IMPG1: variants seen among roughly 807,000 people sequenced by gnomAD.
The protein encoded by IMPG1 is interphotoreceptor matrix proteoglycan 1.
Under a neutral mutation model 92.0 loss-of-function variants are expected in IMPG1, and 85 were observed. The ratio of observed to expected loss-of-function variants is 0.92; its 90% CI spans 0.78 to 1.11. The LOEUF is 1.11. Ranked by LOEUF, IMPG1 falls within the 50% of genes least tolerant of loss-of-function variation. The pLI is 0.00. For synonymous variants in IMPG1, 367 were observed against 334.1 expected (o/e 1.10, Z -1.08); for missense variants, 1,022 against 956.0 (o/e 1.07, Z -0.91).
At chr6:75,954,666 A>C (rs770227372) in intron 12 of IMPG1, among the ~76,000 whole-genome samples, 5 of 151,984 alleles carry the variant, frequency 3.3e-5, no homozygotes, top group African/African-American at 1.2e-4. Flanking sequence ...GCTTTGGGTG[A>C]ATTAGTCACG....
At chr6:75,970,882 A>G (rs193267471) in intron 12 of IMPG1, among the ~76,000 whole-genome samples, 21 of 152,364 alleles carry the variant, frequency 1.4e-4, no homozygotes, top group African/African-American at 4.3e-4. Context: ...TATGTAAACT[A>G]GTTCAACCAT....
intron 1 of IMPG1, among the ~76,000 whole-genome samples, chr6:76,055,046 T>A (rs1326246949): frequency 6.6e-6 from 1 of 151,960 alleles, no homozygotes; most frequent in African/African-American, 2.4e-5. Flanking sequence ...GTAGGGAAGA[T>A]TTGAAAAACA....
At chr6:75,934,888 C>T (rs1319774872) in intron 14 of IMPG1, 2 of 463,406 alleles carry the variant, frequency 4.3e-6, no homozygotes, top group African/African-American at 4.0e-5. Flanking sequence ...TTTATCATAT[C>T]ATCTCCTGCT....
intron 1 of IMPG1, among the ~76,000 whole-genome samples, chr6:76,060,244 G>T (rs1240336973): frequency 6.6e-6 from 1 of 152,166 alleles, no homozygotes; most frequent in East Asian, 1.9e-4. Context: ...GAATGTAAAT[G>T]GGAAAATATT....
At chr6:76,001,087 A>G (rs1782979650) in intron 12 of IMPG1, among the ~76,000 whole-genome samples, 3 of 152,264 alleles carry the variant, frequency 2.0e-5, no homozygotes, top group African/African-American at 7.2e-5. Context: ...ATTATCTCTA[A>G]GATTTCTTCC....
intron 1 of IMPG1, among the ~76,000 whole-genome samples, chr6:76,067,886 T>C (rs1388480998): frequency 6.6e-6 from 1 of 152,096 alleles, no homozygotes; most frequent in East Asian, 1.9e-4. Context: ...GTTCAGCATA[T>C]ACAAATCAAT....
intron 2 of IMPG1, among the ~76,000 whole-genome samples, chr6:76,038,010 G>A (rs1783770210): frequency 2.0e-5 from 3 of 152,142 alleles, no homozygotes; most frequent in African/African-American, 7.2e-5. Context: ...TCCCAGTTGA[G>A]CCCAAACTCA....
chr6:75,961,192 T>C (rs1247602479), intron 12 of IMPG1, among the ~76,000 whole-genome samples: 2 of 152,204 alleles, frequency 1.3e-5, no homozygotes, highest in Admixed American at 6.5e-5. Flanking sequence ...GGGTCACATA[T>C]ATATGCTGAA....
intron 12 of IMPG1, among the ~76,000 whole-genome samples, chr6:75,971,225 A>C (rs527254498): frequency 6.6e-6 from 1 of 150,944 alleles, no homozygotes; most frequent in South Asian, 2.1e-4. Context: ...CGGACAAAAA[A>C]CCAAACACCG....
chr6:76,050,177 C>T (rs1291440360), intron 1 of IMPG1, among the ~76,000 whole-genome samples: 11 of 152,108 alleles, frequency 7.2e-5, no homozygotes, highest in Admixed American at 3.9e-4. Context: ...CAGTGGCTCA[C>T]GCCTGAAATC....
chr6:75,993,353 G>A (rs1427675845), intron 12 of IMPG1, among the ~76,000 whole-genome samples: 1 of 152,096 alleles, frequency 6.6e-6, no homozygotes, highest in Non-Finnish European at 1.5e-5. Flanking sequence ...CACAACTCAG[G>A]AGGCCATGAA....
At chr6:75,996,527 T>C (rs1782905184) in intron 12 of IMPG1, among the ~76,000 whole-genome samples, 1 of 152,094 alleles carries the variant, frequency 6.6e-6, no homozygotes, top group South Asian at 2.1e-4. Context: ...ATTAAACAGA[T>C]CACTACTCTT....
At chr6:75,964,812 C>T in intron 12 of IMPG1, among the ~76,000 whole-genome samples, 1 of 151,932 alleles carries the variant, frequency 6.6e-6, no homozygotes, top group East Asian at 1.9e-4. Context: ...AATCTAGAGA[C>T]AATTCCCATC....
At chr6:76,012,511 G>C (rs994558613) in intron 7 of IMPG1, among the ~76,000 whole-genome samples, 2 of 152,168 alleles carry the variant, frequency 1.3e-5, no homozygotes, top group African/African-American at 2.4e-5. Context: ...GCTGTGCTAG[G>C]CTCTGGGGAC....
intron 2 of IMPG1, among the ~76,000 whole-genome samples, chr6:76,040,779 A>G (rs1356764015): frequency 6.6e-6 from 1 of 152,220 alleles, no homozygotes; most frequent in African/African-American, 2.4e-5. Flanking sequence ...TTAGTTAATT[A>G]TGCTTCCAAA....
chr6:76,028,189 C>T (rs2149485875), intron 4 of IMPG1, among the ~76,000 whole-genome samples: 1 of 152,294 alleles, frequency 6.6e-6, no homozygotes, highest in South Asian at 2.1e-4. Flanking sequence ...CCAAATTTGT[C>T]AATTGTGTTC....
chr6:75,974,355 C>A (rs1782478459), intron 12 of IMPG1, among the ~76,000 whole-genome samples: 1 of 110,114 alleles, frequency 9.1e-6, no homozygotes, highest in Non-Finnish European at 1.9e-5. Flanking sequence ...TTCTTTCTTT[C>A]TTTCTTTCTT....
chr6:76,002,940 G>T lies in IMPG1; in HGVS notation c.1269C>A (p.Asp423Glu), dbSNP rs758038128. 1 of 1,613,386 alleles carries T rather than the reference G, an allele frequency of 6.2e-7. No homozygotes were observed. Among genetic ancestry groups the T allele is most frequent in the Non-Finnish European group, 8.5e-7 (1 of 1,179,434 alleles). ...PPVEPQLETV[D>E]GAEHGLPDTS... ...TACCAGGTAGACCATGCTCTGCTCC[G>T]TCCACTGTCTCAAGCTGGGGTTCAA... The change falls in exon 12 of 17, where the codon GAC (aspartate) becomes GAA (glutamate). Residue 423 changes from aspartate (D) to glutamate (E), a missense_variant. Coordinates refer to ENST00000369950, the MANE Select transcript of IMPG1 (RefSeq NM_001563.4).
chr6:75,983,559 A>G (rs976308827), intron 12 of IMPG1, among the ~76,000 whole-genome samples: 3 of 152,192 alleles, frequency 2.0e-5, no homozygotes, highest in African/African-American at 7.2e-5. Context: ...ATCTCACACC[A>G]TATACAAAAA....
Sources: gnomAD v4.1 joint callset for allele counts (sites outside exome capture counted in the v4.1 genomes callset) on GRCh38, gnomAD v4.1.1 for gene constraint, MANE v1.5 for transcripts, NCBI Gene and HGNC (gene_info 2026-07-23, HGNC 2026-07-21) for gene names.